Variants in FOXP1 observed in about 807,000 individuals in gnomAD.
FOXP1 encodes the protein forkhead box protein P1.
In FOXP1, 15 loss-of-function variants were observed where a neutral mutation model predicts 98.2. That is an observed-to-expected ratio of 0.15 (90% CI 0.10 to 0.24). FOXP1 has a LOEUF of 0.24. Ranked by LOEUF, FOXP1 falls within the 10% of genes least tolerant of loss-of-function variation. The pLI is 1.00. For missense variants in FOXP1, 633 were observed against 848.5 expected (o/e 0.75, Z 3.15); for synonymous variants, 371 against 314.5 (o/e 1.18, Z -1.90).
Position 71,531,134 on chromosome 3 carries a change from G to A in FOXP1, c.-297-37579C>T, listed in dbSNP as rs1037476050. On this transcript the variant is annotated intron_variant, in intron 2 of 20. Coordinates refer to ENST00000649528, the MANE Select transcript of FOXP1 (RefSeq NM_001349338.3). Reference sequence around the variant, plus strand: ...TCCACTATCTCCACCTCTGAGGAGGGACGCACATAAATAAATATAATTTCT... The same window carrying A: ...TCCACTATCTCCACCTCTGAGGAGGAACGCACATAAATAAATATAATTTCT... 2.5e-4 allele frequency among the ~76,000 whole-genome samples: 38 copies of A among 152,210 alleles called. 1 individual carries two copies. The highest frequency in any genetic ancestry group is 2.0e-4 in the Admixed American group (3 of 15,272).
chr3:71,424,889 T>C (rs2083996930), intron 3 of FOXP1, among the ~76,000 whole-genome samples: 1 of 152,022 alleles, frequency 6.6e-6, no homozygotes, highest in Admixed American at 6.5e-5. Flanking sequence ...TGGGAGGAAG[T>C]CACAAGCCAA....
intron 3 of FOXP1, among the ~76,000 whole-genome samples, chr3:71,415,501 AAG>A (rs2083144656): frequency 6.6e-6 from 1 of 152,174 alleles, no homozygotes; most frequent in Non-Finnish European, 1.5e-5. Flanking sequence ...CTGAGCAAAA[AAG>A]GAATGTAGAA....
chr3:71,549,725 G>A (rs2045624178), intron 2 of FOXP1, among the ~76,000 whole-genome samples: 1 of 151,998 alleles, frequency 6.6e-6, no homozygotes. Flanking sequence ...CAGTTCACAG[G>A]TTAGATATAA....
At chr3:71,300,052 C>T (rs1037786176) in intron 4 of FOXP1, among the ~76,000 whole-genome samples, 172 bp from the exon 5 acceptor site, 23 of 152,136 alleles carry the variant, frequency 1.5e-4, no homozygotes, top group Non-Finnish European at 1.5e-5. Context: ...GGACCATATG[C>T]CTTTGAGCTC....
chr3:71,355,101 A>C (rs759060797), intron 4 of FOXP1, among the ~76,000 whole-genome samples: 1 of 152,344 alleles, frequency 6.6e-6, no homozygotes, highest in Non-Finnish European at 1.5e-5. Context: ...AGAAAACCCA[A>C]GGGCAGTATT....
At chr3:71,381,500 T>C (rs1415698628) in intron 3 of FOXP1, among the ~76,000 whole-genome samples, 2 of 141,744 alleles carry the variant, frequency 1.4e-5, no homozygotes, top group Non-Finnish European at 3.0e-5. Flanking sequence ...TGGAGTGCAG[T>C]GGCACGATCA....
intron 2 of FOXP1, among the ~76,000 whole-genome samples, chr3:71,510,278 C>A (rs930172938): frequency 6.6e-6 from 1 of 152,072 alleles, no homozygotes; most frequent in Non-Finnish European, 1.5e-5. Context: ...CACTTGAGGA[C>A]CAGCCTGGCC....
chr3:71,214,140 A>G (rs1576414034), intron 5 of FOXP1, among the ~76,000 whole-genome samples: 1 of 152,254 alleles, frequency 6.6e-6, no homozygotes, highest in East Asian at 1.9e-4. Context: ...AGGCAAGTCC[A>G]GCTCTGGCTG....
intron 6 of FOXP1, among the ~76,000 whole-genome samples, chr3:71,189,667 C>A (rs952760662): frequency 1.2e-4 from 19 of 152,216 alleles, no homozygotes; most frequent in African/African-American, 4.6e-4. Context: ...GTAACTCCCA[C>A]TCCTTGGTAT....
intron 5 of FOXP1, among the ~76,000 whole-genome samples, chr3:71,258,383 T>C (rs1321070742): frequency 2.6e-5 from 4 of 152,184 alleles, no homozygotes; most frequent in South Asian, 4.1e-4. Flanking sequence ...ACAGGAGCTA[T>C]AGAAGTTCAA....
At chr3:71,466,912 G>A (rs865922522) in intron 3 of FOXP1, among the ~76,000 whole-genome samples, 3 of 152,182 alleles carry the variant, frequency 2.0e-5, no homozygotes, top group East Asian at 1.9e-4. Context: ...CCTTGGATAC[G>A]TTTTGTTTGT....
intron 2 of FOXP1, among the ~76,000 whole-genome samples, chr3:71,557,421 A>G (rs1422501207): frequency 1.3e-5 from 2 of 152,010 alleles, no homozygotes; most frequent in Admixed American, 6.5e-5. Flanking sequence ...TACCCCAGCT[A>G]TGGCACACAG....
intron 3 of FOXP1, among the ~76,000 whole-genome samples, chr3:71,367,635 A>T (rs1247300108): frequency 6.6e-6 from 1 of 152,110 alleles, no homozygotes; most frequent in African/African-American, 2.4e-5. Context: ...AAATCCAAAA[A>T]CAACAACAAA....
At chr3:71,159,028 C>T (rs757931272) in intron 6 of FOXP1, among the ~76,000 whole-genome samples, 12 of 150,112 alleles carry the variant, frequency 8.0e-5, no homozygotes, top group Non-Finnish European at 1.5e-5. Flanking sequence ...ATCCCTGGAG[C>T]CCAGGAGGTC....
intron 14 of FOXP1, among the ~76,000 whole-genome samples, chr3:70,987,615 T>C (rs1192106004): frequency 6.6e-6 from 1 of 152,246 alleles, no homozygotes; most frequent in Non-Finnish European, 1.5e-5. Flanking sequence ...CGAGCTGAAA[T>C]GCCTCTTTGC....
chr3:71,275,465 A>C (rs1335395495), intron 5 of FOXP1, among the ~76,000 whole-genome samples: 1 of 152,192 alleles, frequency 6.6e-6, no homozygotes, highest in Non-Finnish European at 1.5e-5. Context: ...CAACAACCCT[A>C]AGAGCTGGAA....
chr3:71,067,731 TACACACACAC>T (rs6147878), intron 7 of FOXP1, among the ~76,000 whole-genome samples: 3 of 126,612 alleles, frequency 2.4e-5, no homozygotes, highest in Non-Finnish European at 3.3e-5. Context: ...TCTCCAAAAA[TACACACACAC>T]ACACACACAC....
intron 2 of FOXP1, among the ~76,000 whole-genome samples, chr3:71,527,073 C>T (rs1259620591): frequency 6.6e-6 from 1 of 151,738 alleles, no homozygotes; most frequent in East Asian, 1.9e-4. Flanking sequence ...AAAGACTCTT[C>T]TTCCTCTAGG....
At chr3:71,312,512 A>G (rs1418115769) in intron 4 of FOXP1, among the ~76,000 whole-genome samples, 1 of 152,196 alleles carries the variant, frequency 6.6e-6, no homozygotes, top group Admixed American at 6.5e-5. Context: ...TGCTTCTGCT[A>G]TTTGAAATTA....
Sources: allele counts gnomAD v4.1 joint callset (sites outside exome capture counted in the v4.1 genomes callset), GRCh38; gene constraint gnomAD v4.1.1; transcripts MANE v1.5; gene names NCBI Gene and HGNC (gene_info 2026-07-23, HGNC 2026-07-21).